The following SORCS3 variants were observed in gnomAD, a reference collection of about 807,000 sequenced individuals.
SORCS3 encodes the protein sortilin related VPS10 domain containing receptor 3, also known as VPS10 domain-containing receptor SorCS3.
In SORCS3, 57 loss-of-function variants were observed where a neutral mutation model predicts 146.3. The ratio of observed to expected loss-of-function variants is 0.39; its 90% CI spans 0.31 to 0.49. SORCS3 has a LOEUF of 0.49. Among genes scored for constraint, SORCS3 ranks in the 20% least tolerant of loss-of-function variants. The pLI, the probability that SORCS3 is intolerant of heterozygous loss-of-function variation, is 0.92. For synonymous variants in SORCS3, 653 were observed against 618.5 expected (o/e 1.06, Z -0.83); for missense variants, 1,341 against 1,575.5 (o/e 0.85, Z 2.52).
At chr10:104,987,914 G>A (rs1325102985) in intron 4 of SORCS3, among the ~76,000 whole-genome samples, 1 of 152,122 alleles carries the variant, frequency 6.6e-6, no homozygotes, top group Non-Finnish European at 1.5e-5. Flanking sequence ...TGAGCTTTGA[G>A]CCTAGGAACT....
intron 7 of SORCS3, among the ~76,000 whole-genome samples, chr10:105,114,313 A>G (rs1055657451): frequency 2.0e-5 from 3 of 152,178 alleles, no homozygotes; most frequent in Admixed American, 6.5e-5. Context: ...AAAAAAGTCC[A>G]TAATTAAGAT....
intron 1 of SORCS3, 68 bp downstream of exon 1, chr10:104,642,022 G>GGGGGGGGGGGGGGGGGGGGGGGGCCCC: frequency 5.8e-6 from 1 of 173,336 alleles, no homozygotes; most frequent in Non-Finnish European, 1.1e-5. Flanking sequence ...GGGTGGGTGG[G>GGGGGGGGGGGGGGGGGGGGGGGGCCCC]AGCGAGGGAC....
chr10:104,787,360 T>TGATGAA (rs1193351281), intron 1 of SORCS3, among the ~76,000 whole-genome samples: 6 of 152,350 alleles, frequency 3.9e-5, no homozygotes, highest in Admixed American at 1.3e-4. Context: ...TTTTGCAGAA[T>TGATGAA]GATGAAGACC....
chr10:104,961,640 A>T (rs2054796904), intron 3 of SORCS3, among the ~76,000 whole-genome samples: 1 of 152,220 alleles, frequency 6.6e-6, no homozygotes, highest in South Asian at 2.1e-4. Context: ...ATGAAGTAGC[A>T]GAGGAATACT....
intron 1 of SORCS3, among the ~76,000 whole-genome samples, chr10:104,679,683 C>G: frequency 6.6e-6 from 1 of 152,196 alleles, no homozygotes; most frequent in South Asian, 2.1e-4. Context: ...TCAGTCAAGA[C>G]CTTCTTCTCT....
intron 1 of SORCS3, among the ~76,000 whole-genome samples, chr10:104,762,008 C>T (rs2017126978): frequency 6.6e-6 from 1 of 152,194 alleles, no homozygotes; most frequent in Non-Finnish European, 1.5e-5. Flanking sequence ...AACCAAATTT[C>T]ATGGAAACAC....
In SORCS3 at chr10:104,694,140, C is replaced by T. The variant is rs184082309; in HGVS notation, c.627+52186C>T. Among the ~76,000 whole-genome samples, 14 of 150,182 alleles carry T rather than the reference C, an allele frequency of 9.3e-5. No homozygotes were observed. The South Asian group carries it at 2.0e-3, about 21-fold the overall frequency. On this transcript the variant is annotated intron_variant, in intron 1 of 26. Coordinates refer to ENST00000369701, the MANE Select transcript of SORCS3 (RefSeq NM_014978.3). ...CTTCTGCTTGATAGATTGCTTTCCA[C>T]GTTAGATTCAAGGATTCTTTTCTCC... is the stretch of plus-strand genomic sequence containing the variant.
chr10:104,711,095 T>C (rs1410387772), intron 1 of SORCS3, among the ~76,000 whole-genome samples: 1 of 152,252 alleles, frequency 6.6e-6, no homozygotes, highest in Non-Finnish European at 1.5e-5. Context: ...AATTTATTTT[T>C]ATTGAACAAA....
intron 1 of SORCS3, among the ~76,000 whole-genome samples, chr10:104,704,414 C>A (rs2016313974): frequency 6.6e-6 from 1 of 152,210 alleles, no homozygotes; most frequent in East Asian, 1.9e-4. Context: ...TGGGCTCAAG[C>A]AATCCTCTGG....
At position 104,641,427 on chromosome 10, in the gene SORCS3, G is replaced by C. The variant is rs2015413082; in HGVS notation, c.100G>C (p.Glu34Gln). The stretch of plus-strand genomic sequence containing the variant: ...GTCGACGTGGGTCCTGGCCGGCGCC[G>C]AGATCACTTGGGACGCGACAGGCGG... ...LLSTWVLAGA[E>Q]ITWDATGGPG... The change falls in exon 1 of 27, where the codon GAG becomes CAG. Residue 34 changes from glutamate to glutamine, a missense_variant. By Grantham distance (29) the Glu-to-Gln change is conservative. Coordinates refer to ENST00000369701, the MANE Select transcript of SORCS3 (RefSeq NM_014978.3). The surrounding 1 kb of genome is among the most constrained non-coding windows in gnomAD (Gnocchi z 6.4). The C allele has an allele frequency of 6.8e-7, 1 of 1,469,660 alleles. No homozygotes were observed. The highest frequency in any genetic ancestry group is 1.5e-5 in the African/African-American group (1 of 68,180). The allele number at this position is 1,469,660 out of a possible 1,614,324, so 91.0% of individuals were successfully genotyped here. A position where few individuals can be genotyped will look rare whatever the true frequency, so the allele number is the denominator to read the frequency against.
At chr10:105,221,760 G>T (rs979235109) in intron 19 of SORCS3, among the ~76,000 whole-genome samples, 1 of 152,074 alleles carries the variant, frequency 6.6e-6, no homozygotes, top group Non-Finnish European at 1.5e-5. Context: ...CTACAGTTGT[G>T]GCTTAAGAAC....
intron 4 of SORCS3, among the ~76,000 whole-genome samples, chr10:105,019,970 C>T (rs987702418): frequency 6.6e-6 from 1 of 152,194 alleles, no homozygotes; most frequent in Non-Finnish European, 1.5e-5. Flanking sequence ...CATAGAAATA[C>T]ATTCACTTCT....
intron 4 of SORCS3, among the ~76,000 whole-genome samples, chr10:105,037,646 C>T (rs1335053508): frequency 1.3e-5 from 2 of 152,174 alleles, no homozygotes; most frequent in Non-Finnish European, 2.9e-5. Flanking sequence ...CTACATTTCT[C>T]CTTATGAGAA....
At chr10:104,731,798 C>G (rs1211761643) in intron 1 of SORCS3, among the ~76,000 whole-genome samples, 1 of 152,148 alleles carries the variant, frequency 6.6e-6, no homozygotes, top group Non-Finnish European at 1.5e-5. Flanking sequence ...AGACACTGTT[C>G]AAAGCATGAG....
At chr10:105,169,082 T>G (rs537370154) in intron 13 of SORCS3, among the ~76,000 whole-genome samples, 7 of 152,306 alleles carry the variant, frequency 4.6e-5, no homozygotes, top group Non-Finnish European at 8.8e-5. Flanking sequence ...TCTCATTTAA[T>G]GCTTGCCCAA....
At chr10:105,190,429 G>A (rs879760999) in intron 14 of SORCS3, among the ~76,000 whole-genome samples, 20 of 152,058 alleles carry the variant, frequency 1.3e-4, no homozygotes, top group Middle Eastern at 3.2e-3. Flanking sequence ...TTTTTGAGAC[G>A]GAGTCTCGCT....
At chr10:105,249,167 A>T (rs1412111035) in intron 22 of SORCS3, among the ~76,000 whole-genome samples, 1 of 152,214 alleles carries the variant, frequency 6.6e-6, no homozygotes, top group East Asian at 1.9e-4. Flanking sequence ...AGCCAGTAGG[A>T]GATGGCCTTA....
intron 4 of SORCS3, among the ~76,000 whole-genome samples, chr10:104,989,816 TA>T (rs2054983261): frequency 6.6e-6 from 1 of 152,222 alleles, no homozygotes; most frequent in African/African-American, 2.4e-5. Context: ...TCTGTAGGCA[TA>T]AAGTATAAGG....
chr10:105,256,675 G>A (rs2119764561), intron 24 of SORCS3, 144 bp from the exon 25 acceptor site: 1 of 632,176 alleles, frequency 1.6e-6, no homozygotes, highest in East Asian at 2.8e-5. Context: ...CAGACTTTCT[G>A]CACCCAGATA....
Sources: allele counts gnomAD v4.1 joint callset (sites outside exome capture counted in the v4.1 genomes callset), GRCh38; gene constraint gnomAD v4.1.1; non-coding constraint Gnocchi (gnomAD v3.1); transcripts MANE v1.5; gene names NCBI Gene and HGNC (gene_info 2026-07-23, HGNC 2026-07-21).